RAB11FIP4: variants seen among roughly 807,000 people sequenced by gnomAD.
The protein encoded by RAB11FIP4 is RAB11 family interacting protein 4.
Under a neutral mutation model 74.3 loss-of-function variants are expected in RAB11FIP4, and 23 were observed. The ratio of observed to expected loss-of-function variants is 0.31; its 90% CI spans 0.22 to 0.44. The LOEUF (loss-of-function observed/expected upper bound fraction) is 0.44. Ranked by LOEUF, RAB11FIP4 falls within the 20% of genes least tolerant of loss-of-function variation. The probability of loss-of-function intolerance (pLI) is 1.00; values close to 1 mark genes in which losing one functional copy is unlikely to be tolerated. For synonymous variants in RAB11FIP4, 360 were observed against 359.9 expected (o/e 1.00, Z 0.00); for missense variants, 630 against 863.9 (o/e 0.73, Z 3.39).
At position 31,522,394 on chromosome 17, in the gene RAB11FIP4, C is replaced by A. The variant is rs140513474; in HGVS notation, c.928C>A (p.Arg310=). ...NRKISSTAFG[R]QLMHSSNFSS... is the part of the protein sequence containing the mutation. ...AAAGATCTCCAGCACGGCCTTTGGA[C>A]GGTAAGGCCCGCCTCGAGGGAGGGC... is the stretch of plus-strand genomic sequence containing the variant. Residue 310 remains arginine (R), a splice_region_variant and synonymous_variant, in exon 7 of 15, where the codon CGG becomes AGG. Coordinates refer to ENST00000621161, the MANE Select transcript of RAB11FIP4 (RefSeq NM_032932.6). 1.2e-6 allele frequency: 2 copies of A among 1,613,592 alleles called. No individual in the cohort carries two copies. The highest frequency in any genetic ancestry group is 1.7e-6 in the Non-Finnish European group (2 of 1,179,808).
At chr17:31,475,453 G>A (rs146510761) in intron 3 of RAB11FIP4, among the ~76,000 whole-genome samples, 1 of 152,358 alleles carries the variant, frequency 6.6e-6, no homozygotes, top group Non-Finnish European at 1.5e-5. Context: ...AAAGATGTGA[G>A]CTGTTGCTAC....
intron 3 of RAB11FIP4, chr17:31,488,166 G>A (rs1426552624): frequency 1.9e-6 from 2 of 1,071,448 alleles, no homozygotes; most frequent in Non-Finnish European, 2.3e-6. Flanking sequence ...TGCGCTTCGG[G>A]GCTGCCCGCC....
At chr17:31,505,002 A>G (rs770133283) in intron 3 of RAB11FIP4, among the ~76,000 whole-genome samples, 1 of 152,194 alleles carries the variant, frequency 6.6e-6, no homozygotes, top group African/African-American at 2.4e-5. Flanking sequence ...TCCGTTTGGT[A>G]GAAGTTAGAT....
intron 11 of RAB11FIP4, 152 bp from the exon 12 acceptor site, chr17:31,528,254 T>C: frequency 1.1e-6 from 1 of 901,132 alleles, no homozygotes; most frequent in Non-Finnish European, 1.6e-6. Flanking sequence ...TGGCCGTTTC[T>C]GTAAGCCAAG....
chr17:31,481,559 C>T (rs1165439138), intron 3 of RAB11FIP4, among the ~76,000 whole-genome samples: 1 of 152,052 alleles, frequency 6.6e-6, no homozygotes, highest in Admixed American at 6.6e-5. Flanking sequence ...GTTGTTTTTG[C>T]TGCCTGGGTT....
chr17:31,499,282 C>T (rs1424564899), intron 3 of RAB11FIP4, among the ~76,000 whole-genome samples: 3 of 152,186 alleles, frequency 2.0e-5, no homozygotes, highest in Non-Finnish European at 4.4e-5. Context: ...AAGAGAAAAA[C>T]TGCAGGATAC....
At position 31,431,952 on chromosome 17, in the gene RAB11FIP4, G is replaced by C. The variant is rs761098741; in HGVS notation, c.247+52G>C. 6 of 1,370,998 alleles carry C rather than the reference G, an allele frequency of 4.4e-6. No individual in the cohort carries two copies. The African/African-American group carries it at 5.8e-5, about 13-fold the overall frequency. 84.9% of individuals were successfully genotyped at this position (1,370,998 alleles called of 1,614,324 possible). On this transcript the variant is annotated intron_variant, in intron 2 of 14. Transcript: ENST00000621161. ...AGGCGCTCTCCGGTCCTGCCCAGCT[G>C]GGGAAGCTGGTGTGACTGGGGGCCC...
At chr17:31,437,624 G>A (rs1243176798) in intron 3 of RAB11FIP4, among the ~76,000 whole-genome samples, 1 of 152,228 alleles carries the variant, frequency 6.6e-6, no homozygotes, top group African/African-American at 2.4e-5. Flanking sequence ...GTTGGGAGGT[G>A]AAGCTTGTTT....
chr17:31,414,651 G>A (rs1017458578), intron 1 of RAB11FIP4, among the ~76,000 whole-genome samples: 1 of 152,170 alleles, frequency 6.6e-6, no homozygotes, highest in African/African-American at 2.4e-5. Context: ...CCCAGGAGGC[G>A]GTGGCCTGGG....
chr17:31,504,519 C>T (rs576955921), intron 3 of RAB11FIP4, among the ~76,000 whole-genome samples: 6 of 152,274 alleles, frequency 3.9e-5, no homozygotes, highest in South Asian at 4.1e-4. Context: ...GCGCTCGCCT[C>T]GGTCTCCCAA....
At chr17:31,432,273 C>T (rs148773396) in intron 2 of RAB11FIP4, among the ~76,000 whole-genome samples, 7 of 152,034 alleles carry the variant, frequency 4.6e-5, no homozygotes, top group African/African-American at 1.4e-4. Flanking sequence ...CAGTCCTGGG[C>T]AAACCTGGAC....
intron 3 of RAB11FIP4, among the ~76,000 whole-genome samples, chr17:31,440,416 T>G (rs2071396870): frequency 6.6e-6 from 1 of 152,260 alleles, no homozygotes; most frequent in South Asian, 2.1e-4. Context: ...TAGTTTCAGT[T>G]ACTCTTGTTT....
At chr17:31,455,927 G>A (rs929987155) in intron 3 of RAB11FIP4, among the ~76,000 whole-genome samples, 2 of 152,174 alleles carry the variant, frequency 1.3e-5, no homozygotes, top group African/African-American at 4.8e-5. Flanking sequence ...CGCTGAGAGT[G>A]CCATCCTGGG....
chr17:31,441,034 G>C (rs1444151593), intron 3 of RAB11FIP4, among the ~76,000 whole-genome samples: 1 of 151,714 alleles, frequency 6.6e-6, no homozygotes, highest in Non-Finnish European at 1.5e-5. Flanking sequence ...TGGTTTTTTG[G>C]GTTTTTTGAG....
At chr17:31,475,018 G>A (rs535860012) in intron 3 of RAB11FIP4, among the ~76,000 whole-genome samples, 2 of 152,222 alleles carry the variant, frequency 1.3e-5, no homozygotes, top group African/African-American at 4.8e-5. Flanking sequence ...TTTAAAGCCA[G>A]GGGCATAATG....
intron 3 of RAB11FIP4, chr17:31,509,042 A>G (rs2072405103): frequency 6.6e-6 from 1 of 152,632 alleles, no homozygotes; most frequent in Non-Finnish European, 1.5e-5. Flanking sequence ...TTCTGGAGAA[A>G]CACAAGCATG....
chr17:31,487,678 C>T (rs918041488), intron 3 of RAB11FIP4, among the ~76,000 whole-genome samples: 6 of 152,044 alleles, frequency 3.9e-5, no homozygotes, highest in Non-Finnish European at 8.8e-5. Context: ...GAGCGCCGGC[C>T]GGAATCTCAC....
chr17:31,489,703 T>C lies in RAB11FIP4; in HGVS notation c.337-27948T>C, dbSNP rs544664756. On this transcript the variant is annotated intron_variant, in intron 3 of 14. Coordinates refer to ENST00000621161, the MANE Select transcript of RAB11FIP4 (RefSeq NM_032932.6). Reference sequence around the variant, plus strand: ...GTTGATTGCAAGTTGCCTGCAGTTGTCTTTGAGGTCCCTGTCACTTCACAG... The same window carrying C: ...GTTGATTGCAAGTTGCCTGCAGTTGCCTTTGAGGTCCCTGTCACTTCACAG... 2.0e-5 allele frequency among the ~76,000 whole-genome samples: 3 copies of C among 152,170 alleles called. No homozygotes were observed. The South Asian group carries it at 6.2e-4, about 32-fold the overall frequency.
chr17:31,401,170 G>A (rs987499817), intron 1 of RAB11FIP4, among the ~76,000 whole-genome samples: 1 of 152,142 alleles, frequency 6.6e-6, no homozygotes. Flanking sequence ...TACTCGGGAG[G>A]CTGAGGTGGG....
Sources: allele counts gnomAD v4.1 joint callset (sites outside exome capture counted in the v4.1 genomes callset), GRCh38; gene constraint gnomAD v4.1.1; transcripts MANE v1.5; gene names NCBI Gene and HGNC (gene_info 2026-07-23, HGNC 2026-07-21).